Variants in ADAMTS9 observed in about 807,000 individuals in gnomAD.
The protein encoded by ADAMTS9 is ADAM metallopeptidase with thrombospondin type 1 motif 9.
Under a neutral mutation model 257.1 loss-of-function variants are expected in ADAMTS9, and 107 were observed. The ratio of observed to expected loss-of-function variants is 0.42; its 90% CI spans 0.36 to 0.49. The LOEUF (loss-of-function observed/expected upper bound fraction) is 0.49, where lower values mean the gene tolerates loss of function less well. Ranked by LOEUF, ADAMTS9 falls within the 20% of genes least tolerant of loss-of-function variation. The probability of loss-of-function intolerance (pLI) is 0.03; values close to 1 mark genes in which losing one functional copy is unlikely to be tolerated. For missense variants in ADAMTS9, 2,353 were observed against 2,469.1 expected, an observed-to-expected ratio of 0.95 and a Z score of 1.00; for synonymous variants, 982 against 880.9, an observed-to-expected ratio of 1.11 and a Z score of -2.03.
rs1446137649 is a variant in ADAMTS9 at position 64,516,833 on chromosome 3, C to G, written c.*294G>C. 6.6e-6 allele frequency: 1 copy of G among 152,600 alleles called. No individual in the cohort carries two copies. Among genetic ancestry groups the G allele is most frequent in the Non-Finnish European group, 1.5e-5 (1 of 68,036 alleles). 9.5% of individuals were successfully genotyped at this position (152,600 alleles called of 1,614,324 possible). A position where few individuals can be genotyped will look rare whatever the true frequency, so the allele number is the denominator to read the frequency against. ...TTTGTCATATTACTACATGCAAAGG[C>G]AGTCATAATAGAATCATTTTACGTA... On this transcript the variant is annotated 3_prime_UTR_variant, in exon 40 of 40. Coordinates refer to ENST00000498707, the MANE Select transcript of ADAMTS9 (RefSeq NM_182920.2).
intron 4 of ADAMTS9, among the ~76,000 whole-genome samples, chr3:64,656,369 G>A (rs552805883): frequency 6.6e-6 from 1 of 152,140 alleles, no homozygotes; most frequent in African/African-American, 2.4e-5. Context: ...ATTGTGAGCT[G>A]GCTGAAAACT....
At chr3:64,605,604 C>G (rs2084543354) in intron 23 of ADAMTS9, among the ~76,000 whole-genome samples, 2 of 152,178 alleles carry the variant, frequency 1.3e-5, no homozygotes, top group African/African-American at 4.8e-5. Flanking sequence ...CAAATGCCAT[C>G]TTCAGCAATT....
intron 11 of ADAMTS9, among the ~76,000 whole-genome samples, chr3:64,643,913 C>A (rs1293328874): frequency 1.3e-5 from 2 of 151,998 alleles, no homozygotes; most frequent in African/African-American, 2.4e-5. Context: ...CACAGCAGGT[C>A]TAGACAGACA....
intron 38 of ADAMTS9, among the ~76,000 whole-genome samples, chr3:64,526,666 C>T (rs2082914034): frequency 6.6e-6 from 1 of 152,198 alleles, no homozygotes. Context: ...CCTGACCCAG[C>T]AGAGGAGCTA....
intron 25 of ADAMTS9, 33 bp downstream of exon 25, chr3:64,603,889 T>A: frequency 6.2e-7 from 1 of 1,607,966 alleles, no homozygotes; most frequent in Non-Finnish European, 8.5e-7. Context: ...GTTTCCCCCA[T>A]TCCCCCTAAT....
Position 64,687,681 on chromosome 3 carries a change from C to T in ADAMTS9, c.-24G>A. ...ATGGTGCTTCCCACCCCTCCCTCCG[C>T]TGCCCCCACCCCCCTCCCTCCTGCC... On this transcript the variant is annotated 5_prime_UTR_variant, in exon 1 of 40. Transcript: ENST00000498707. This position sits in a 1 kb window ranked among gnomAD's most constrained non-coding sequence, Gnocchi z 4.4. 6.8e-7 allele frequency: 1 copy of T among 1,462,034 alleles called. No individual in the cohort carries two copies. Among genetic ancestry groups the T allele is most frequent in the South Asian group, 1.3e-5 (1 of 77,344 alleles). The allele number at this position is 1,462,034 out of a possible 1,614,324, so 90.6% of individuals were successfully genotyped here. A position where few individuals can be genotyped will look rare whatever the true frequency, so the allele number is the denominator to read the frequency against.
At chr3:64,530,147 C>T (rs1281720347) in intron 38 of ADAMTS9, among the ~76,000 whole-genome samples, 1 of 151,952 alleles carries the variant, frequency 6.6e-6, no homozygotes, top group African/African-American at 2.4e-5. Flanking sequence ...TTCACAAGCC[C>T]TGCAGGTGAT....
At position 64,687,643 on chromosome 3, in the gene ADAMTS9, G is replaced by A; in HGVS notation, c.15C>T (p.Ser5=). 1.3e-6 allele frequency: 2 copies of A among 1,569,436 alleles called. No homozygotes were observed. Among genetic ancestry groups the A allele is most frequent in the Non-Finnish European group, 1.7e-6 (2 of 1,158,870 alleles). ...CCAGGAGCGTTAGCAGTGTGGCCCAGGATACAAACTGCATGGTGCTTCCCA... is the reference window on the plus strand; with the variant it reads ...CCAGGAGCGTTAGCAGTGTGGCCCAAGATACAAACTGCATGGTGCTTCCCA... MQFV[S]WATLLTLLVR... Residue 5 remains serine, a synonymous_variant, in exon 1 of 40, where the codon TCC becomes TCT. Transcript: ENST00000498707. The surrounding 1 kb of genome is among the most constrained non-coding windows in gnomAD (Gnocchi z 4.4).
intron 16 of ADAMTS9, among the ~76,000 whole-genome samples, chr3:64,629,582 C>T (rs549988435): frequency 1.9e-4 from 29 of 152,226 alleles, no homozygotes; most frequent in Middle Eastern, 3.2e-3. Context: ...ACATCTCACC[C>T]TTGGTATCCC....
intron 37 of ADAMTS9, among the ~76,000 whole-genome samples, chr3:64,537,976 G>A (rs1416764774): frequency 6.6e-6 from 1 of 152,180 alleles, no homozygotes; most frequent in Non-Finnish European, 1.5e-5. Context: ...AGAAAGTGTA[G>A]AACCACAGAA....
intron 29 of ADAMTS9, among the ~76,000 whole-genome samples, chr3:64,567,214 A>C (rs2083566534): frequency 6.6e-6 from 1 of 152,130 alleles, no homozygotes; most frequent in African/African-American, 2.4e-5. Context: ...TCCTCCCCAC[A>C]TTAATGTACG....
At chr3:64,654,637 TTGA>T in intron 6 of ADAMTS9, 25 bp from the exon 7 acceptor site, 1 of 1,613,356 alleles carries the variant, frequency 6.2e-7, no homozygotes, top group South Asian at 1.1e-5. Flanking sequence ...GACTTAGGCC[TTGA>T]TGACATCAAA....
Position 64,594,255 on chromosome 3 carries a change from T to C in ADAMTS9, c.4356+3A>G, listed in dbSNP as rs780446245. On this transcript the variant is annotated splice_donor_region_variant and intron_variant, in intron 28 of 39. Transcript: ENST00000498707. ...TAACAAACATGAATAGTTAGGGCCGTACCGAGCTCCAAGGGCCAGTACTCC... is the reference window on the plus strand; with the variant it reads ...TAACAAACATGAATAGTTAGGGCCGCACCGAGCTCCAAGGGCCAGTACTCC... 1 of 1,612,910 alleles carries C rather than the reference T, an allele frequency of 6.2e-7. No homozygotes were observed. Among genetic ancestry groups the C allele is most frequent in the Non-Finnish European group, 8.5e-7 (1 of 1,179,246 alleles).
At chr3:64,585,116 A>G (rs931228491) in intron 28 of ADAMTS9, among the ~76,000 whole-genome samples, 3 of 152,146 alleles carry the variant, frequency 2.0e-5, no homozygotes, top group African/African-American at 7.2e-5. Flanking sequence ...TGTGGGTTTC[A>G]TTAGGCAGAA....
At chr3:64,639,312 TAAA>T (rs761906399) in intron 12 of ADAMTS9, among the ~76,000 whole-genome samples, 1,956 of 89,142 alleles carry the variant, frequency 0.022, 87 homozygotes, top group African/African-American at 0.083. Flanking sequence ...TTTTTTTTTT[TAAA>T]AAAAAAAAAA....
chr3:64,633,913 T>A, intron 12 of ADAMTS9, 34 bp from the exon 13 acceptor site: 1 of 1,531,604 alleles, frequency 6.5e-7, no homozygotes, highest in African/African-American at 1.4e-5. Context: ...GCACACACAC[T>A]GTATTATCAT....
intron 8 of ADAMTS9, among the ~76,000 whole-genome samples, chr3:64,651,709 T>G (rs775059541): frequency 6.6e-6 from 1 of 152,164 alleles, no homozygotes; most frequent in East Asian, 1.9e-4. Context: ...GCAAAGTTTG[T>G]GCACAATAAA....
chr3:64,684,176 T>C (rs954805661), intron 2 of ADAMTS9, among the ~76,000 whole-genome samples: 2 of 151,934 alleles, frequency 1.3e-5, no homozygotes, highest in Admixed American at 6.6e-5. Flanking sequence ...TGGATGTGAG[T>C]GAGTGCACTG....
intron 28 of ADAMTS9, among the ~76,000 whole-genome samples, chr3:64,579,037 G>A (rs545233409): frequency 1.6e-4 from 24 of 152,156 alleles, no homozygotes; most frequent in Admixed American, 1.3e-3. Flanking sequence ...CTCCACCCAC[G>A]TTTTCACTGC....
Sources: gnomAD v4.1 joint callset for allele counts (sites outside exome capture counted in the v4.1 genomes callset) on GRCh38, gnomAD v4.1.1 for gene constraint, Gnocchi (gnomAD v3.1) non-coding constraint, MANE v1.5 for transcripts, NCBI Gene and HGNC (gene_info 2026-07-23, HGNC 2026-07-21) for gene names.